Variants in KCNIP4 observed in about 807,000 individuals in gnomAD.
KCNIP4 encodes potassium voltage-gated channel interacting protein 4.
Under a neutral mutation model 34.0 loss-of-function variants are expected in KCNIP4, and 12 were observed. The ratio of observed to expected loss-of-function variants is 0.35; its 90% CI spans 0.23 to 0.57. The LOEUF (loss-of-function observed/expected upper bound fraction) is 0.57, where lower values mean the gene tolerates loss of function less well. KCNIP4 is among the 20% of genes least tolerant of loss of function. KCNIP4 has a pLI of 0.83. For missense variants in KCNIP4, 238 were observed against 311.7 expected (o/e 0.76, Z 1.78); for synonymous variants, 124 against 102.2 (o/e 1.21, Z -1.29).
At chr4:21,675,564 T>A (rs940388513) in intron 1 of KCNIP4, among the ~76,000 whole-genome samples, 3 of 152,178 alleles carry the variant, frequency 2.0e-5, no homozygotes, top group African/African-American at 7.2e-5. Context: ...ATCTTATAAA[T>A]GTATACACTT....
intron 1 of KCNIP4, among the ~76,000 whole-genome samples, chr4:21,333,681 C>A (rs1715875796): frequency 1.3e-5 from 2 of 150,534 alleles, no homozygotes; most frequent in Non-Finnish European, 3.0e-5. Flanking sequence ...TTTTTTCCAC[C>A]AGTTAAATTA....
At chr4:21,007,641 G>T (rs1182255311) in intron 1 of KCNIP4, among the ~76,000 whole-genome samples, 1 of 152,160 alleles carries the variant, frequency 6.6e-6, no homozygotes, top group Non-Finnish European at 1.5e-5. Flanking sequence ...TGAAAGAAAT[G>T]TAATCTTTAG....
chr4:20,943,667 C>G (rs942658765), intron 1 of KCNIP4, among the ~76,000 whole-genome samples: 5 of 152,002 alleles, frequency 3.3e-5, no homozygotes, highest in African/African-American at 1.2e-4. Context: ...AATAAACTGC[C>G]AAGCTGGTTT....
intron 1 of KCNIP4, among the ~76,000 whole-genome samples, chr4:21,359,715 C>A (rs1343233795): frequency 6.6e-6 from 1 of 152,074 alleles, no homozygotes; most frequent in African/African-American, 2.4e-5. Context: ...AGTTTCTTGT[C>A]TTGACTTTTA....
chr4:21,455,582 T>G (rs1212269298), intron 1 of KCNIP4, among the ~76,000 whole-genome samples: 4 of 151,056 alleles, frequency 2.6e-5, no homozygotes, highest in Non-Finnish European at 5.9e-5. Flanking sequence ...AATCCAGTGA[T>G]GTAGGTTCTA....
At chr4:20,767,536 A>T (rs1420232702) in intron 3 of KCNIP4, among the ~76,000 whole-genome samples, 1 of 152,202 alleles carries the variant, frequency 6.6e-6, no homozygotes, top group Non-Finnish European at 1.5e-5. Context: ...GAGTTCTTAT[A>T]CTTTCACCTT....
chr4:21,928,127 T>TATACACACACACAC, intron 1 of KCNIP4, among the ~76,000 whole-genome samples: 1 of 143,920 alleles, frequency 6.9e-6, no homozygotes, highest in East Asian at 2.1e-4. Flanking sequence ...TATATATATA[T>TATACACACACACAC]ACACACACAC....
intron 1 of KCNIP4, among the ~76,000 whole-genome samples, chr4:21,283,050 C>T (rs1357864744): frequency 6.6e-6 from 1 of 152,032 alleles, no homozygotes; most frequent in Non-Finnish European, 1.5e-5. Flanking sequence ...GTCACAAATG[C>T]TAAGTAAAAA....
chr4:21,384,077 C>CT (rs1721789690), intron 1 of KCNIP4, among the ~76,000 whole-genome samples: 2 of 152,066 alleles, frequency 1.3e-5, no homozygotes, highest in Admixed American at 1.3e-4. Flanking sequence ...TTGTTCTTCC[C>CT]TCTATCCAGA....
At chr4:21,919,617 C>A (rs1728830267) in intron 1 of KCNIP4, among the ~76,000 whole-genome samples, 1 of 152,122 alleles carries the variant, frequency 6.6e-6, no homozygotes, top group Non-Finnish European at 1.5e-5. Context: ...TATGATGAGT[C>A]TATCTAGATA....
At chr4:21,096,919 C>T (rs1417158795) in intron 1 of KCNIP4, among the ~76,000 whole-genome samples, 1 of 151,960 alleles carries the variant, frequency 6.6e-6, no homozygotes, top group African/African-American at 2.4e-5. Context: ...TCCACTTCCC[C>T]AAATATACAA....
chr4:21,483,177 G>T (rs1179655702), intron 1 of KCNIP4, among the ~76,000 whole-genome samples: 1 of 151,500 alleles, frequency 6.6e-6, no homozygotes, highest in Non-Finnish European at 1.5e-5. Context: ...GTATACATAT[G>T]TAACAAACCT....
intron 1 of KCNIP4, among the ~76,000 whole-genome samples, chr4:21,764,790 C>A (rs1718294300): frequency 6.6e-6 from 1 of 152,086 alleles, no homozygotes; most frequent in Non-Finnish European, 1.5e-5. Flanking sequence ...ATCCTTTGTG[C>A]TCCTTAGGAC....
At chr4:21,357,129 C>A (rs1340333338) in intron 1 of KCNIP4, among the ~76,000 whole-genome samples, 1 of 152,132 alleles carries the variant, frequency 6.6e-6, no homozygotes, top group Non-Finnish European at 1.5e-5. Flanking sequence ...AAAGCTGAAA[C>A]TGGATCCCTT....
At chr4:21,280,710 T>A (rs999806396) in intron 1 of KCNIP4, among the ~76,000 whole-genome samples, 1 of 152,228 alleles carries the variant, frequency 6.6e-6, no homozygotes, top group African/African-American at 2.4e-5. Flanking sequence ...GGTCACTAGA[T>A]CCTTGCAATG....
intron 1 of KCNIP4, among the ~76,000 whole-genome samples, chr4:21,266,934 C>T (rs1761848486): frequency 6.6e-6 from 1 of 152,096 alleles, no homozygotes; most frequent in African/African-American, 2.4e-5. Context: ...CCAAGTGAAA[C>T]GTGGTTAGCT....
chr4:21,948,492 A>G, intron 1 of KCNIP4, 79 bp downstream of exon 1: 1 of 1,432,936 alleles, frequency 7.0e-7, no homozygotes, highest in Non-Finnish European at 9.6e-7. Flanking sequence ...CAGCCGAGGA[A>G]GGGAAGGGGC....
intron 1 of KCNIP4, among the ~76,000 whole-genome samples, chr4:21,947,594 C>T (rs1466994502): frequency 6.6e-6 from 1 of 152,162 alleles, no homozygotes; most frequent in African/African-American, 2.4e-5. Flanking sequence ...TCCCTGAGTA[C>T]TAAAGAAGGC....
rs529861199 is a variant in KCNIP4, at chr4:21,474,916, G to A, written c.61+473655C>T. Among the ~76,000 whole-genome samples the A allele has an allele frequency of 6.7e-4, 100 of 150,010 alleles. 1 individual carries two copies. The highest frequency in any genetic ancestry group is 5.7e-3 in the South Asian group (27 of 4,726). ...CTTAGGAGGCTGAGGCAGGACAATC[G>A]CTTGAACCTGGGAGGCGGAGGTTGC... On this transcript the variant is annotated intron_variant, in intron 1 of 8. Transcript: ENST00000382152.
Sources: gnomAD v4.1 joint callset for allele counts (sites outside exome capture counted in the v4.1 genomes callset) on GRCh38, gnomAD v4.1.1 for gene constraint, MANE v1.5 for transcripts, NCBI Gene and HGNC (gene_info 2026-07-23, HGNC 2026-07-21) for gene names.